PLCB4: variants seen among roughly 807,000 people sequenced by gnomAD.
The protein encoded by PLCB4 is phospholipase C beta 4, also known as 1-phosphatidylinositol 4,5-bisphosphate phosphodiesterase beta-4.
Under a neutral mutation model 178.8 loss-of-function variants are expected in PLCB4, and 77 were observed. The observed-to-expected ratio is 0.43, with a 90% CI of 0.36 to 0.52. The LOEUF (loss-of-function observed/expected upper bound fraction) is 0.52, where lower values mean the gene tolerates loss of function less well. PLCB4 is among the 20% of genes least tolerant of loss of function. The pLI is 0.00. For missense variants in PLCB4, 1,024 were observed against 1,453.4 expected (o/e 0.70, Z 4.80); for synonymous variants, 496 against 490.8 (o/e 1.01, Z -0.14).
At position 9,243,014 on chromosome 20, in the gene PLCB4, T is replaced by G. The variant is rs139390531; in HGVS notation, c.-16+25562T>G. Reference sequence around the variant, plus strand: ...TACAGGACATCCAGCTATATTTGAATTTCAGATCATCAACAAGTAAATTTT... The same window carrying G: ...TACAGGACATCCAGCTATATTTGAAGTTCAGATCATCAACAAGTAAATTTT... On this transcript the variant is annotated intron_variant, in intron 3 of 39. Transcript: ENST00000378473. Among the ~76,000 whole-genome samples, 1,128 of 152,324 alleles carry G rather than the reference T, an allele frequency of 7.4e-3. 17 individuals are homozygous for G. Among genetic ancestry groups the G allele is most frequent in the African/African-American group, 0.026 (1,085 of 41,580 alleles).
At chr20:9,358,979 GT>G (rs1014951494) in intron 7 of PLCB4, among the ~76,000 whole-genome samples, 3 of 152,162 alleles carry the variant, frequency 2.0e-5, no homozygotes, top group African/African-American at 7.2e-5. Context: ...GAGATTTGGG[GT>G]GATGTTTACT....
intron 3 of PLCB4, among the ~76,000 whole-genome samples, chr20:9,249,950 G>T (rs1486738477): frequency 6.6e-6 from 1 of 152,110 alleles, no homozygotes; most frequent in Non-Finnish European, 1.5e-5. Context: ...GAATGCATTA[G>T]TTATAAGGGA....
At chr20:9,383,481 A>G (rs923136719) in intron 13 of PLCB4, among the ~76,000 whole-genome samples, 3 of 152,190 alleles carry the variant, frequency 2.0e-5, no homozygotes, top group South Asian at 2.1e-4. Context: ...CGATGCATCA[A>G]CCATTTATAA....
At chr20:9,225,933 G>A (rs1048826785) in intron 3 of PLCB4, among the ~76,000 whole-genome samples, 1 of 152,218 alleles carries the variant, frequency 6.6e-6, no homozygotes, top group African/African-American at 2.4e-5. Context: ...GTCCTCAGGT[G>A]GGAAAGGGCA....
At chr20:9,374,403 C>T (rs1240113382) in intron 12 of PLCB4, among the ~76,000 whole-genome samples, 1 of 152,108 alleles carries the variant, frequency 6.6e-6, no homozygotes, top group Non-Finnish European at 1.5e-5. Flanking sequence ...AGTTAAATTG[C>T]TTTGTTTTGT....
chr20:9,233,561 G>A (rs1400524872), intron 3 of PLCB4, among the ~76,000 whole-genome samples: 4 of 152,174 alleles, frequency 2.6e-5, no homozygotes, highest in Non-Finnish European at 5.9e-5. Context: ...TATGGTCAAA[G>A]AAGATTGTAC....
intron 2 of PLCB4, among the ~76,000 whole-genome samples, chr20:9,203,350 A>G (rs541392664): frequency 6.6e-6 from 1 of 152,146 alleles, no homozygotes; most frequent in Non-Finnish European, 1.5e-5. Flanking sequence ...TAAGAGTGCT[A>G]TAAACCTAGA....
At chr20:9,138,410 G>A (rs1436187435) in intron 2 of PLCB4, among the ~76,000 whole-genome samples, 2 of 152,074 alleles carry the variant, frequency 1.3e-5, no homozygotes, top group Admixed American at 1.3e-4. Context: ...CATTTAGTGG[G>A]AAATATATTG....
intron 2 of PLCB4, among the ~76,000 whole-genome samples, chr20:9,105,695 C>T (rs2091336719): frequency 6.6e-6 from 1 of 151,940 alleles, no homozygotes; most frequent in Non-Finnish European, 1.5e-5. Context: ...ATTGGTGTTT[C>T]AGATTGGTAG....
chr20:9,393,602 G>A lies in PLCB4; in HGVS notation c.1338G>A (p.Arg446=). The part of the protein sequence containing the change: ...ALESHPLEPG[R]ALPSPNDLKR... ...TTTCTCTCTAGCTTGAACCAGGCAG[G>A]GCTTTGCCATCCCCCAATGACCTCA... The change falls in exon 18 of 40, where the codon AGG becomes AGA. Residue 446 remains arginine (R), a synonymous_variant. Transcript: ENST00000378473. 6.2e-7 allele frequency: 1 copy of A among 1,610,324 alleles called. No homozygotes were observed. The highest frequency in any genetic ancestry group is 1.7e-5 in the Admixed American group (1 of 59,986).
intron 10 of PLCB4, among the ~76,000 whole-genome samples, 161 bp from the exon 11 acceptor site, chr20:9,372,142 T>A (rs969428766): frequency 1.4e-4 from 21 of 152,210 alleles, no homozygotes; most frequent in Admixed American, 1.3e-3. Context: ...TGAGATGGCC[T>A]GGCAGTGCCT....
At chr20:9,188,337 G>C (rs907770268) in intron 2 of PLCB4, among the ~76,000 whole-genome samples, 1 of 152,240 alleles carries the variant, frequency 6.6e-6, no homozygotes, top group Non-Finnish European at 1.5e-5. Context: ...CAATGGCACT[G>C]TGTGGGAGTC....
intron 32 of PLCB4, among the ~76,000 whole-genome samples, chr20:9,446,451 T>C (rs1240234694): frequency 6.6e-6 from 1 of 152,230 alleles, no homozygotes; most frequent in Non-Finnish European, 1.5e-5. Context: ...CCCCTCAATT[T>C]TTAGAACTTA....
chr20:9,444,503 G>A (rs1344550745), intron 32 of PLCB4, among the ~76,000 whole-genome samples: 4 of 152,128 alleles, frequency 2.6e-5, no homozygotes, highest in Admixed American at 2.6e-4. Flanking sequence ...AGTGGCTCAC[G>A]CCTGTAATCC....
intron 2 of PLCB4, among the ~76,000 whole-genome samples, chr20:9,203,073 A>ATATC (rs1268902291): frequency 6.8e-6 from 1 of 146,776 alleles, no homozygotes; most frequent in Admixed American, 6.8e-5. Context: ...ATATATATAT[A>ATATC]TATATATGAC....
At position 9,412,751 on chromosome 20, in the gene PLCB4, A is replaced by G. The variant is rs561056629; in HGVS notation, c.2051+1663A>G. Among the ~76,000 whole-genome samples the G allele has an allele frequency of 2.6e-4, 40 of 152,226 alleles. No individual in the cohort carries two copies. The South Asian group carries it at 4.1e-3, about 16-fold the overall frequency. ...CAAGTCAGTTTGGCCAGAAGTCCTT[A>G]TCCTTGATGTTTCCTCATAGTAATT... is the stretch of plus-strand genomic sequence containing the variant. On this transcript the variant is annotated intron_variant, in intron 25 of 39. Transcript: ENST00000378473.
At chr20:9,411,721 TA>T (rs11468073) in intron 25 of PLCB4, among the ~76,000 whole-genome samples, 15,880 of 143,272 alleles carry the variant, frequency 0.11, 2,494 homozygotes, top group African/African-American at 0.35. Context: ...TCTCTTGAGA[TA>T]AAAAAAAAAA....
intron 2 of PLCB4, among the ~76,000 whole-genome samples, chr20:9,203,211 T>C (rs1336551717): frequency 1.3e-5 from 2 of 151,932 alleles, no homozygotes; most frequent in Admixed American, 6.6e-5. Context: ...TTTATGTTTG[T>C]TGAGAATGTG....
At chr20:9,441,997 TA>T (rs1414079046) in intron 30 of PLCB4, among the ~76,000 whole-genome samples, 1 of 152,096 alleles carries the variant, frequency 6.6e-6, no homozygotes, top group Non-Finnish European at 1.5e-5. Flanking sequence ...GAAAACAAGT[TA>T]TTGTTAAGGA....
Sources: allele counts gnomAD v4.1 joint callset (sites outside exome capture counted in the v4.1 genomes callset), GRCh38; gene constraint gnomAD v4.1.1; transcripts MANE v1.5; gene names NCBI Gene and HGNC (gene_info 2026-07-23, HGNC 2026-07-21).